COA8: variants seen among roughly 807,000 people sequenced by gnomAD.
COA8 encodes the protein UPF0671 protein C14orf153.
A neutral mutation model predicts 22.0 loss-of-function variants in COA8; 20 were observed. That is an observed-to-expected ratio of 0.91 (90% confidence interval 0.64 to 1.32). COA8 has a LOEUF of 1.32. Ranked by LOEUF, COA8 falls within the 40% of genes most tolerant of loss-of-function variation. The pLI, the probability that COA8 is intolerant of heterozygous loss-of-function variation, is 0.00. For missense variants in COA8, 266 were observed against 230.0 expected (o/e 1.16, Z -1.01); for synonymous variants, 105 against 79.9 (o/e 1.31, Z -1.68).
At chr14:103,587,787 A>G (rs1323828231) in intron 4 of COA8, among the ~76,000 whole-genome samples, 2 of 151,754 alleles carry the variant, frequency 1.3e-5, no homozygotes, top group East Asian at 2.0e-4. Flanking sequence ...GATTACAGGC[A>G]TGAGCCACTG....
At chr14:103,577,613 T>C (rs573050981) in intron 3 of COA8, among the ~76,000 whole-genome samples, 103 of 151,626 alleles carry the variant, frequency 6.8e-4, no homozygotes, top group African/African-American at 2.3e-3. Context: ...GCTTGGTGGC[T>C]CATACCTGTA....
At chr14:103,571,905 A>G in intron 2 of COA8, 85 bp downstream of exon 2, 1 of 1,174,032 alleles carries the variant, frequency 8.5e-7, no homozygotes, top group Non-Finnish European at 1.2e-6. Context: ...AGGTGGGCAG[A>G]TCACGAGGTC....
At position 103,581,464 on chromosome 14, in the gene COA8, G is replaced by C. The variant is rs553468314; in HGVS notation, c.386-5810G>C. On this transcript the variant is annotated intron_variant, in intron 3 of 4. Transcript: ENST00000409074. The surrounding 1 kb of genome is among the most constrained non-coding windows in gnomAD (Gnocchi z 4.1). ...AGAGGGAGGAGTCGCCTCCTGGGCTGGTCGGAGTAGGACCTTGGGAGGTTT... is the reference window on the plus strand; with the variant it reads ...AGAGGGAGGAGTCGCCTCCTGGGCTCGTCGGAGTAGGACCTTGGGAGGTTT... 4.6e-5 allele frequency: 18 copies of C among 392,972 alleles called. No individual in the cohort carries two copies. Among genetic ancestry groups the C allele is most frequent in the African/African-American group, 3.5e-4 (17 of 48,570 alleles). 24.3% of individuals were successfully genotyped at this position (392,972 alleles called of 1,614,324 possible).
intron 1 of COA8, among the ~76,000 whole-genome samples, chr14:103,569,817 TA>T (rs1237649457): frequency 1.3e-5 from 2 of 152,208 alleles, no homozygotes; most frequent in Non-Finnish European, 2.9e-5. Flanking sequence ...AAAAAAATAA[TA>T]AAAGTCAACA....
At chr14:103,564,415 T>C (rs1284420394) in intron 1 of COA8, among the ~76,000 whole-genome samples, 2 of 152,072 alleles carry the variant, frequency 1.3e-5, no homozygotes, top group Non-Finnish European at 2.9e-5. Flanking sequence ...GGCAGAAAGA[T>C]AGAGCAGGTG....
intron 3 of COA8, among the ~76,000 whole-genome samples, chr14:103,585,521 C>T (rs2076299437): frequency 6.6e-6 from 1 of 150,496 alleles, no homozygotes. Flanking sequence ...CGATACTAGA[C>T]CTTTATTAGA....
intron 4 of COA8, among the ~76,000 whole-genome samples, chr14:103,589,913 CA>C (rs1026898331): frequency 4.0e-4 from 53 of 132,388 alleles, no homozygotes; most frequent in East Asian, 2.0e-3. Flanking sequence ...GACTCCGTCT[CA>C]AAAAAAAAAA....
In COA8 at chr14:103,571,836, A is replaced by C. The variant is rs763519336; in HGVS notation, c.321+16A>C. 1 of 1,610,902 alleles carries C rather than the reference A, an allele frequency of 6.2e-7. No homozygotes were observed. The highest frequency in any genetic ancestry group is 1.1e-5 in the South Asian group (1 of 90,954). On this transcript the variant is annotated intron_variant, in intron 2 of 4. Coordinates refer to ENST00000409074, the MANE Select transcript of COA8 (RefSeq NM_001370595.2). ...TTTTAGTAAGGTAAGTTTAAGTTTT[A>C]GATCAGAACGGAAGGGTGCGGTGGC...
intron 3 of COA8, chr14:103,574,510 A>G (rs1207746939): frequency 2.0e-6 from 1 of 502,528 alleles, no homozygotes; most frequent in Non-Finnish European, 3.9e-6. Context: ...AGTGCTCAAA[A>G]TAGCCTCTCC....
chr14:103,585,252 G>A (rs1251675199), intron 3 of COA8, among the ~76,000 whole-genome samples: 1 of 152,044 alleles, frequency 6.6e-6, no homozygotes, highest in East Asian at 1.9e-4. Flanking sequence ...GCCAAGGCGG[G>A]TGGATCACCT....
intron 1 of COA8, among the ~76,000 whole-genome samples, chr14:103,565,900 C>T (rs544456090): frequency 6.6e-6 from 1 of 152,094 alleles, no homozygotes; most frequent in Non-Finnish European, 1.5e-5. Flanking sequence ...CAGGTATGAG[C>T]CACTGTGCCT....
chr14:103,576,148 AT>A (rs2076228637), intron 3 of COA8, among the ~76,000 whole-genome samples: 1 of 152,168 alleles, frequency 6.6e-6, no homozygotes. Flanking sequence ...TCTACTAAAA[AT>A]ACAAAAATTA....
At chr14:103,575,038 G>A (rs1318604188) in intron 3 of COA8, among the ~76,000 whole-genome samples, 2 of 152,256 alleles carry the variant, frequency 1.3e-5, no homozygotes, top group Non-Finnish European at 2.9e-5. Flanking sequence ...GGATTCTCAC[G>A]TCGGGAGTCG....
At chr14:103,588,142 G>T in intron 4 of COA8, 3 of 247,356 alleles carry the variant, frequency 1.2e-5, no homozygotes, top group Non-Finnish European at 1.5e-5. Flanking sequence ...AAAAAAAAAC[G>T]GGTTTTAGCT....
At chr14:103,583,540 T>TG (rs1566984784) in intron 3 of COA8, among the ~76,000 whole-genome samples, 88 of 65,302 alleles carry the variant, frequency 1.3e-3, no homozygotes, top group African/African-American at 5.5e-3. Context: ...AGACTCGATC[T>TG]CAAAAAAAAA....
intron 1 of COA8, among the ~76,000 whole-genome samples, chr14:103,570,253 G>A (rs1002731922): frequency 5.9e-5 from 9 of 152,134 alleles, no homozygotes; most frequent in African/African-American, 2.2e-4. Context: ...TTGCAATCCT[G>A]CCTTTACTTT....
intron 3 of COA8, chr14:103,574,515 C>T (rs1037553749): frequency 5.7e-5 from 28 of 493,182 alleles, no homozygotes; most frequent in Admixed American, 2.6e-4. Flanking sequence ...TCAAAATAGC[C>T]TCTCCTTATT....
rs931976232 is a variant in COA8 at position 103,584,127 on chromosome 14, C to A, written c.386-3147C>A. On this transcript the variant is annotated intron_variant, in intron 3 of 4. Transcript: ENST00000409074. ...TCATGGCTCACTGCAGCGTCAGCCTCCTGGGCTCAAGCAACCCTCCCTCGG... is the reference window on the plus strand; with the variant it reads ...TCATGGCTCACTGCAGCGTCAGCCTACTGGGCTCAAGCAACCCTCCCTCGG... Among the ~76,000 whole-genome samples the A allele has an allele frequency of 9.9e-5, 15 of 152,232 alleles. No homozygotes were observed. In the East Asian group the frequency reaches 2.7e-3, roughly 27 times the overall value.
At position 103,589,901 on chromosome 14, in the gene COA8, G is replaced by A. The variant is rs543263496; in HGVS notation, c.477-280G>A. ...TGCACTCCAGCCTGGGCGACAGACCGAGACTCCGTCTCAAAAAAAAAAAAC... is the reference window on the plus strand; with the variant it reads ...TGCACTCCAGCCTGGGCGACAGACCAAGACTCCGTCTCAAAAAAAAAAAAC... On this transcript the variant is annotated intron_variant, in intron 4 of 4. Coordinates refer to ENST00000409074, the MANE Select transcript of COA8 (RefSeq NM_001370595.2). Among the ~76,000 whole-genome samples, 17 of 151,896 alleles carry A rather than the reference G, an allele frequency of 1.1e-4. No homozygotes were observed. The South Asian group carries it at 2.7e-3, about 24-fold the overall frequency.
Sources: gnomAD v4.1 joint callset for allele counts (sites outside exome capture counted in the v4.1 genomes callset) on GRCh38, gnomAD v4.1.1 for gene constraint, Gnocchi (gnomAD v3.1) non-coding constraint, MANE v1.5 for transcripts, NCBI Gene and HGNC (gene_info 2026-07-23, HGNC 2026-07-21) for gene names.